The following ZBTB7C variants were observed in gnomAD, a reference collection of about 807,000 sequenced individuals.
The protein encoded by ZBTB7C is zinc finger and BTB domain containing 7C.
In ZBTB7C, 8 loss-of-function variants were observed where a neutral mutation model predicts 25.7. The observed-to-expected ratio is 0.31, with a 90% CI of 0.18 to 0.56. The LOEUF (loss-of-function observed/expected upper bound fraction) is 0.56, where lower values mean the gene tolerates loss of function less well. Ranked by LOEUF, ZBTB7C falls within the 20% of genes least tolerant of loss-of-function variation. The pLI, the probability that ZBTB7C is intolerant of heterozygous loss-of-function variation, is 0.91. For missense variants in ZBTB7C, 824 were observed against 855.2 expected (o/e 0.96, Z 0.46); for synonymous variants, 394 against 369.0 (o/e 1.07, Z -0.78).
chr18:48,043,486 T>G (rs910807271), intron 3 of ZBTB7C, among the ~76,000 whole-genome samples: 2 of 152,108 alleles, frequency 1.3e-5, no homozygotes, highest in Non-Finnish European at 2.9e-5. Flanking sequence ...CCAATCCCAA[T>G]GGGTTAGATA....
At chr18:48,156,194 G>C (rs2144919704) in intron 3 of ZBTB7C, among the ~76,000 whole-genome samples, 1 of 152,340 alleles carries the variant, frequency 6.6e-6, no homozygotes, top group East Asian at 1.9e-4. Context: ...AAAAGTAAGA[G>C]GGAAGATGGA....
At chr18:48,345,598 C>T (rs1320203395) in intron 1 of ZBTB7C, among the ~76,000 whole-genome samples, 1 of 152,056 alleles carries the variant, frequency 6.6e-6, no homozygotes, top group Non-Finnish European at 1.5e-5. Flanking sequence ...TGCTCCTGGG[C>T]GGGTATTTCA....
chr18:48,290,004 C>T (rs2045174786), intron 2 of ZBTB7C, among the ~76,000 whole-genome samples: 4 of 152,252 alleles, frequency 2.6e-5, no homozygotes, highest in Admixed American at 2.6e-4. Context: ...GGTCCCCAGT[C>T]TTGCTAAGGC....
chr18:48,054,868 G>C (rs1270264245), intron 3 of ZBTB7C, among the ~76,000 whole-genome samples: 2 of 152,182 alleles, frequency 1.3e-5, no homozygotes. Flanking sequence ...GCTGATGGCT[G>C]TTTGGTTCCC....
intron 3 of ZBTB7C, among the ~76,000 whole-genome samples, chr18:48,184,856 C>T (rs1005191506): frequency 4.6e-5 from 7 of 150,828 alleles, no homozygotes; most frequent in African/African-American, 1.7e-4. Context: ...TTTCTCATTC[C>T]CTCTCTCTCT....
intron 3 of ZBTB7C, chr18:48,165,601 A>T (rs2041217516): frequency 6.3e-6 from 1 of 159,124 alleles, no homozygotes; most frequent in East Asian, 1.9e-4. Context: ...CCTCACCGCC[A>T]CCGCCCCCCA....
At chr18:48,185,327 G>A (rs981904075) in intron 3 of ZBTB7C, 1 of 449,364 alleles carries the variant, frequency 2.2e-6, no homozygotes, top group African/African-American at 2.0e-5. Context: ...CACACACCTG[G>A]TCATAAAGTT....
chr18:48,316,069 G>A (rs1027412217), intron 2 of ZBTB7C, among the ~76,000 whole-genome samples: 1 of 151,990 alleles, frequency 6.6e-6, no homozygotes, highest in Non-Finnish European at 1.5e-5. Context: ...CTCCCACCCA[G>A]ACCCTGCCTC....
chr18:48,172,270 G>C (rs909870607), intron 3 of ZBTB7C, among the ~76,000 whole-genome samples: 7 of 152,202 alleles, frequency 4.6e-5, no homozygotes, highest in African/African-American at 1.4e-4. Flanking sequence ...GGGAAGATGG[G>C]TCTGCATCAG....
chr18:48,137,165 G>A, intron 3 of ZBTB7C: 1 of 985,508 alleles, frequency 1.0e-6, no homozygotes, highest in Non-Finnish European at 1.2e-6. Context: ...AGCCATTCCA[G>A]GAGTGGTTTT....
At chr18:48,278,812 A>G (rs78697548) in intron 2 of ZBTB7C, among the ~76,000 whole-genome samples, 7,379 of 152,262 alleles carry the variant, frequency 0.048, 246 homozygotes, top group Non-Finnish European at 0.072. Flanking sequence ...CCACGTGGCA[A>G]TAAACAACCG....
chr18:48,130,062 C>A (rs1179452011), intron 3 of ZBTB7C, among the ~76,000 whole-genome samples: 2 of 152,164 alleles, frequency 1.3e-5, no homozygotes, highest in Admixed American at 1.3e-4. Flanking sequence ...GGGAGCAGAG[C>A]TTGCAGACAG....
intron 2 of ZBTB7C, among the ~76,000 whole-genome samples, chr18:48,189,590 A>G (rs1221749661): frequency 1.3e-5 from 2 of 152,112 alleles, no homozygotes; most frequent in African/African-American, 4.8e-5. Flanking sequence ...TTAGCTAGTG[A>G]CCTTCCAAGT....
intron 3 of ZBTB7C, among the ~76,000 whole-genome samples, chr18:48,111,956 T>C (rs1406569294): frequency 6.6e-6 from 1 of 152,186 alleles, no homozygotes; most frequent in African/African-American, 2.4e-5. Context: ...AAATGGTTTG[T>C]TAAATAATAT....
chr18:48,128,343 T>G (rs1360415828), intron 3 of ZBTB7C, among the ~76,000 whole-genome samples: 2 of 152,210 alleles, frequency 1.3e-5, no homozygotes, highest in Non-Finnish European at 2.9e-5. Context: ...AATAAACAAC[T>G]GGCCCCATGC....
At chr18:48,142,980 T>C (rs1025486498) in intron 3 of ZBTB7C, among the ~76,000 whole-genome samples, 1 of 150,250 alleles carries the variant, frequency 6.7e-6, no homozygotes, top group Admixed American at 6.6e-5. Context: ...ATCCACGTGG[T>C]CTCCACCCTT....
At chr18:48,257,770 G>A (rs1201362269) in intron 2 of ZBTB7C, among the ~76,000 whole-genome samples, 1 of 150,828 alleles carries the variant, frequency 6.6e-6, no homozygotes, top group African/African-American at 2.5e-5. Context: ...AGTGTAAGGC[G>A]CTGTATTAAC....
At chr18:48,205,802 T>C (rs2042563646) in intron 2 of ZBTB7C, among the ~76,000 whole-genome samples, 1 of 152,062 alleles carries the variant, frequency 6.6e-6, no homozygotes, top group Non-Finnish European at 1.5e-5. Flanking sequence ...AAGAAGAATG[T>C]CCCCAGGGCC....
chr18:48,199,222 A>G (rs1182399606), intron 2 of ZBTB7C, among the ~76,000 whole-genome samples: 3 of 152,176 alleles, frequency 2.0e-5, no homozygotes, highest in Non-Finnish European at 4.4e-5. Flanking sequence ...GGTCTGTGCC[A>G]TTCATTCTCG....
Sources: gnomAD v4.1 joint callset for allele counts (sites outside exome capture counted in the v4.1 genomes callset) on GRCh38, gnomAD v4.1.1 for gene constraint, MANE v1.5 for transcripts, NCBI Gene and HGNC (gene_info 2026-07-23, HGNC 2026-07-21) for gene names.